The following PLCB1 variants were observed in gnomAD, a reference collection of about 807,000 sequenced individuals.
PLCB1 encodes 1-phosphatidylinositol 4,5-bisphosphate phosphodiesterase beta-1.
In PLCB1, 46 loss-of-function variants were observed where a neutral mutation model predicts 161.8. The observed-to-expected ratio is 0.28, with a 90% CI of 0.22 to 0.36. The LOEUF is 0.36. PLCB1 is among the 10% of genes least tolerant of loss of function. PLCB1 has a pLI of 1.00. For missense variants in PLCB1, 1,016 were observed against 1,472.5 expected (o/e 0.69, Z 5.07); for synonymous variants, 517 against 503.7 (o/e 1.03, Z -0.35).
At chr20:8,542,743 A>G (rs986461079) in intron 3 of PLCB1, among the ~76,000 whole-genome samples, 4 of 152,222 alleles carry the variant, frequency 2.6e-5, no homozygotes, top group Non-Finnish European at 5.9e-5. Context: ...TCAAGCCAGA[A>G]AGGACCTTAG....
At chr20:8,306,426 A>T (rs975017738) in intron 2 of PLCB1, 1 of 152,200 alleles carries the variant, frequency 6.6e-6, no homozygotes, top group Non-Finnish European at 1.5e-5. Context: ...CAAATATAAG[A>T]AGGAAACTTG....
intron 20 of PLCB1, among the ~76,000 whole-genome samples, chr20:8,737,638 A>G (rs536784710): frequency 6.2e-4 from 95 of 152,286 alleles, no homozygotes; most frequent in African/African-American, 2.1e-3. Context: ...TCTGGGTTCT[A>G]TCTAATAAAG....
chr20:8,875,532 T>G lies in PLCB1; in HGVS notation c.3424-6090T>G, dbSNP rs988439712. Among the ~76,000 whole-genome samples the G allele has an allele frequency of 1.2e-4, 18 of 147,944 alleles. No homozygotes were observed. In the East Asian group the frequency reaches 2.3e-3, roughly 19 times the overall value. On this transcript the variant is annotated intron_variant, in intron 31 of 31. Transcript: ENST00000338037. The stretch of plus-strand genomic sequence containing the variant: ...ATTTTTATATATAAATATAATATAT[T>G]AATATTTATATTATAAAATACATTG...
intron 2 of PLCB1, among the ~76,000 whole-genome samples, chr20:8,157,071 C>T (rs2123043454): frequency 6.6e-6 from 1 of 152,196 alleles, no homozygotes; most frequent in South Asian, 2.1e-4. Context: ...AAGCTTAGGT[C>T]TGTTTGGGCA....
chr20:8,814,137 T>C (rs1366853387), intron 31 of PLCB1, among the ~76,000 whole-genome samples: 1 of 152,226 alleles, frequency 6.6e-6, no homozygotes, highest in Non-Finnish European at 1.5e-5. Context: ...ATCATTCGTA[T>C]ATCTACAGTC....
Position 8,507,781 on chromosome 20 carries a change from C to T in PLCB1, c.247-120513C>T, listed in dbSNP as rs114323928. ...GCAACAATTATAAAGAAGATAAGAA[C>T]GTAGTATTTGAAAATAAATATTTTA... On this transcript the variant is annotated intron_variant, in intron 3 of 31. Coordinates refer to ENST00000338037, the MANE Select transcript of PLCB1 (RefSeq NM_015192.4). Among the ~76,000 whole-genome samples, 1,168 of 150,142 alleles carry T rather than the reference C, an allele frequency of 7.8e-3. 13 individuals carry two copies. The highest frequency in any genetic ancestry group is 0.026 in the African/African-American group (1,084 of 41,074).
At chr20:8,466,491 A>C (rs1028736500) in intron 3 of PLCB1, among the ~76,000 whole-genome samples, 1 of 152,040 alleles carries the variant, frequency 6.6e-6, no homozygotes, top group African/African-American at 2.4e-5. Flanking sequence ...AAAAAAAAAC[A>C]AAAGAGCTGT....
At chr20:8,801,496 G>T (rs1984278359) in intron 31 of PLCB1, among the ~76,000 whole-genome samples, 1 of 152,148 alleles carries the variant, frequency 6.6e-6, no homozygotes. Context: ...AAGAGGCTTT[G>T]TCTGTTTCGT....
At chr20:8,485,191 A>T (rs939558298) in intron 3 of PLCB1, among the ~76,000 whole-genome samples, 1 of 152,216 alleles carries the variant, frequency 6.6e-6, no homozygotes, top group Non-Finnish European at 1.5e-5. Context: ...GGAGGGTTCT[A>T]TTAGATGAAG....
At chr20:8,381,042 C>T (rs1987236987) in intron 3 of PLCB1, among the ~76,000 whole-genome samples, 1 of 152,112 alleles carries the variant, frequency 6.6e-6, no homozygotes, top group Non-Finnish European at 1.5e-5. Flanking sequence ...AGAATGCTTC[C>T]AGTTTTTTCC....
intron 4 of PLCB1, among the ~76,000 whole-genome samples, chr20:8,629,898 C>T: frequency 7.7e-6 from 1 of 130,138 alleles, no homozygotes; most frequent in African/African-American, 2.9e-5. Flanking sequence ...TCTTTTCTTT[C>T]TTTCTTTCTC....
intron 2 of PLCB1, among the ~76,000 whole-genome samples, chr20:8,322,391 C>A (rs1984960260): frequency 6.6e-6 from 1 of 151,870 alleles, no homozygotes; most frequent in Non-Finnish European, 1.5e-5. Context: ...TGTCTTTTTT[C>A]CCTGCAGTCC....
Position 8,684,959 on chromosome 20 carries a change from GCTAT to G in PLCB1, c.893_896del (p.Tyr298Ter), listed in dbSNP as rs748644164. On this transcript the variant is annotated frameshift_variant, in exon 10 of 32. Coordinates refer to ENST00000338037, the MANE Select transcript of PLCB1 (RefSeq NM_015192.4). LOFTEE classifies it high-confidence loss of function. The stretch of plus-strand genomic sequence containing the variant: ...CAAATATCAGTGGATGGGTTCATGC[GCTAT>G]CTGAGTGGAGAAGAAAACGGAGTCG... 3 of 1,613,714 alleles carry G rather than the reference GCTAT, an allele frequency of 1.9e-6. No homozygotes were observed. Among genetic ancestry groups the G allele is most frequent in the Non-Finnish European group, 2.5e-6 (3 of 1,179,766 alleles).
At chr20:8,537,563 G>A (rs6055890) in intron 3 of PLCB1, among the ~76,000 whole-genome samples, 1,659 of 152,160 alleles carry the variant, frequency 0.011, 44 homozygotes, top group African/African-American at 0.038. Flanking sequence ...TCTTGGTGGG[G>A]TGTGCGGGGA....
At chr20:8,605,821 A>G (rs764489890) in intron 3 of PLCB1, among the ~76,000 whole-genome samples, 4 of 151,664 alleles carry the variant, frequency 2.6e-5, no homozygotes, top group Non-Finnish European at 5.9e-5. Context: ...AGGAGTCCCC[A>G]GTGTCTATTA....
At chr20:8,647,122 C>T (rs1376915383) in intron 5 of PLCB1, among the ~76,000 whole-genome samples, 1 of 152,124 alleles carries the variant, frequency 6.6e-6, no homozygotes, top group Non-Finnish European at 1.5e-5. Context: ...CTTAAGGACT[C>T]TTCCTTCATG....
chr20:8,577,437 C>CAA (rs11289640), intron 3 of PLCB1, among the ~76,000 whole-genome samples: 6 of 93,986 alleles, frequency 6.4e-5, no homozygotes, highest in South Asian at 3.4e-4. Flanking sequence ...GACCCTGTCT[C>CAA]AAAAAAAAAA....
intron 31 of PLCB1, among the ~76,000 whole-genome samples, chr20:8,818,227 ATATAAG>A (rs1210822370): frequency 6.6e-6 from 1 of 152,206 alleles, no homozygotes; most frequent in African/African-American, 2.4e-5. Context: ...CCACATCTAA[ATATAAG>A]TATCATATTT....
intron 3 of PLCB1, among the ~76,000 whole-genome samples, chr20:8,485,191 A>G (rs939558298): frequency 6.6e-6 from 1 of 152,216 alleles, no homozygotes; most frequent in African/African-American, 2.4e-5. Context: ...GGAGGGTTCT[A>G]TTAGATGAAG....
Sources: allele counts gnomAD v4.1 joint callset (sites outside exome capture counted in the v4.1 genomes callset), GRCh38; gene constraint gnomAD v4.1.1; transcripts MANE v1.5; gene names NCBI Gene and HGNC (gene_info 2026-07-23, HGNC 2026-07-21).